The following PRKG1 variants were observed in gnomAD, a reference collection of about 807,000 sequenced individuals.
PRKG1 encodes protein kinase cGMP-dependent 1.
Under a neutral mutation model 88.1 loss-of-function variants are expected in PRKG1, and 35 were observed. The ratio of observed to expected loss-of-function variants is 0.40; its 90% CI spans 0.30 to 0.53. The LOEUF is 0.53. Among genes scored for constraint, PRKG1 ranks in the 20% least tolerant of loss-of-function variants. The pLI is 0.59. For missense variants in PRKG1, 540 were observed against 839.8 expected, an observed-to-expected ratio of 0.64 and a Z score of 4.41; for synonymous variants, 303 against 292.5, an observed-to-expected ratio of 1.04 and a Z score of -0.37.
chr10:51,862,276 C>T (rs1840897138), intron 4 of PRKG1, among the ~76,000 whole-genome samples: 1 of 152,120 alleles, frequency 6.6e-6, no homozygotes, highest in Non-Finnish European at 1.5e-5. Flanking sequence ...GCCCACAGCT[C>T]AGTAAACGGG....
At chr10:52,097,187 A>G (rs140036859) in intron 7 of PRKG1, among the ~76,000 whole-genome samples, 184 of 152,292 alleles carry the variant, frequency 1.2e-3, no homozygotes, top group African/African-American at 4.2e-3. Context: ...CACTCTAGGC[A>G]GAAAATAGGC....
chr10:51,838,201 G>A (rs1840179162), intron 4 of PRKG1, among the ~76,000 whole-genome samples: 1 of 151,942 alleles, frequency 6.6e-6, no homozygotes, highest in East Asian at 1.9e-4. Flanking sequence ...AACATTCAAG[G>A]GTGTATAGCT....
At chr10:52,176,279 T>C (rs1838865917) in intron 9 of PRKG1, among the ~76,000 whole-genome samples, 1 of 151,556 alleles carries the variant, frequency 6.6e-6, no homozygotes, top group Non-Finnish European at 1.5e-5. Flanking sequence ...GACTGTTCTT[T>C]CTCCAGTGAG....
intron 3 of PRKG1, among the ~76,000 whole-genome samples, chr10:51,715,029 CAT>C (rs111993755): frequency 4.0e-5 from 6 of 151,566 alleles, no homozygotes; most frequent in African/African-American, 1.5e-4. Flanking sequence ...GTGGGATGTG[CAT>C]ATATATATAT....
In PRKG1 at chr10:51,807,807, G is replaced by A. The variant is rs190473854; in HGVS notation, c.698+3117G>A. On this transcript the variant is annotated intron_variant, in intron 4 of 17. Transcript: ENST00000373980. ...TTTTAGGCTTTATGGATGGCTTTCG[G>A]GGGGAAAAAGGAGTCTGTCTCTATG... is the stretch of plus-strand genomic sequence containing the variant. Among the ~76,000 whole-genome samples, 1,166 of 152,156 alleles carry A rather than the reference G, an allele frequency of 7.7e-3. 9 individuals carry two copies. The highest frequency in any genetic ancestry group is 0.013 in the Non-Finnish European group (855 of 67,984).
chr10:51,126,137 TTA>T lies in PRKG1; in HGVS notation c.312-27019_312-27018del, dbSNP rs1303422179. 5.8e-3 allele frequency among the ~76,000 whole-genome samples: 690 copies of T among 118,820 alleles called. 7 individuals carry two copies. The highest frequency in any genetic ancestry group is 0.022 in the African/African-American group (645 of 29,178). The allele number at this position is 118,820 out of a possible 152,430, so 78.0% of individuals were successfully genotyped here. On this transcript the variant is annotated intron_variant, in intron 1 of 17. Transcript: ENST00000373980. ...TATATAATTATATTTAATTTTATAA[TTA>T]TATATATTATATAATTTTTTATATG...
At chr10:51,175,137 A>C (rs1272168643) in intron 2 of PRKG1, among the ~76,000 whole-genome samples, 1 of 152,034 alleles carries the variant, frequency 6.6e-6, no homozygotes, top group African/African-American at 2.4e-5. Flanking sequence ...AAAAACACAC[A>C]TACTAACAAC....
intron 2 of PRKG1, among the ~76,000 whole-genome samples, chr10:51,220,896 G>A (rs2132090305): frequency 1.3e-5 from 2 of 152,038 alleles, no homozygotes; most frequent in South Asian, 4.2e-4. Flanking sequence ...AAGACAAATT[G>A]GAAATTGAAA....
chr10:51,705,923 A>G (rs147518836), intron 3 of PRKG1, among the ~76,000 whole-genome samples: 50 of 152,284 alleles, frequency 3.3e-4, no homozygotes, highest in African/African-American at 1.0e-3. Flanking sequence ...TGAACTTTCT[A>G]TTTCATAAGT....
chr10:51,349,388 T>C (rs1163029602), intron 2 of PRKG1, among the ~76,000 whole-genome samples: 1 of 152,100 alleles, frequency 6.6e-6, no homozygotes, highest in Non-Finnish European at 1.5e-5. Context: ...GCCAAAATCC[T>C]AAGAAATTTT....
intron 9 of PRKG1, among the ~76,000 whole-genome samples, chr10:52,188,223 T>C (rs1197322894): frequency 1.8e-5 from 1 of 56,750 alleles, no homozygotes; most frequent in African/African-American, 6.1e-5. Context: ...TGTATATATA[T>C]ACATATGTAT....
chr10:51,798,655 G>A (rs1478247456), intron 3 of PRKG1, among the ~76,000 whole-genome samples: 1 of 152,012 alleles, frequency 6.6e-6, no homozygotes, highest in Non-Finnish European at 1.5e-5. Flanking sequence ...ATTTCAGAAT[G>A]TTTTTAAGAT....
chr10:51,194,093 T>A (rs1837699289), intron 2 of PRKG1, among the ~76,000 whole-genome samples: 1 of 152,184 alleles, frequency 6.6e-6, no homozygotes, highest in Non-Finnish European at 1.5e-5. Context: ...TTAACTATGT[T>A]ATCACTTTTT....
chr10:51,138,911 T>C (rs1204250335), intron 1 of PRKG1, among the ~76,000 whole-genome samples: 1 of 151,922 alleles, frequency 6.6e-6, no homozygotes, highest in Non-Finnish European at 1.5e-5. Context: ...CTTGATCTCC[T>C]GACCCCGTTG....
At chr10:52,111,339 C>T (rs1277971734) in intron 7 of PRKG1, among the ~76,000 whole-genome samples, 6 of 152,214 alleles carry the variant, frequency 3.9e-5, no homozygotes, top group Non-Finnish European at 5.9e-5. Context: ...AGCTATTATA[C>T]TAACACTTCG....
At position 52,080,757 on chromosome 10, in the gene PRKG1, ATGAAT is replaced by A. The variant is rs1201499905; in HGVS notation, c.935+18128_935+18132del. Among the ~76,000 whole-genome samples, 6 of 152,202 alleles carry A rather than the reference ATGAAT, an allele frequency of 3.9e-5. No homozygotes were observed. The South Asian group carries it at 6.2e-4, about 16-fold the overall frequency. On this transcript the variant is annotated intron_variant, in intron 7 of 17. Coordinates refer to ENST00000373980, the MANE Select transcript of PRKG1 (RefSeq NM_006258.4). ...TTATTATTCTGTTAAAGTTTTTAAA[ATGAAT>A]TTAATTTATTTAAAGTCTCTAGCAT...
intron 2 of PRKG1, among the ~76,000 whole-genome samples, chr10:51,433,416 C>G (rs1361320267): frequency 6.6e-6 from 1 of 151,934 alleles, no homozygotes; most frequent in Non-Finnish European, 1.5e-5. Flanking sequence ...TTGGGATTCT[C>G]CTATATAAAA....
chr10:51,540,295 T>C (rs1336596181), intron 3 of PRKG1, among the ~76,000 whole-genome samples: 2 of 152,228 alleles, frequency 1.3e-5, no homozygotes, highest in East Asian at 3.8e-4. Context: ...TATATTCTGT[T>C]ACAACTATTC....
intron 5 of PRKG1, among the ~76,000 whole-genome samples, chr10:52,028,310 C>T (rs79523576): frequency 0.016 from 2,499 of 152,204 alleles, 35 homozygotes; most frequent in Non-Finnish European, 0.023. Flanking sequence ...GATCACTGCA[C>T]GCATTTTGAG....
Sources: allele counts gnomAD v4.1 joint callset (sites outside exome capture counted in the v4.1 genomes callset), GRCh38; gene constraint gnomAD v4.1.1; transcripts MANE v1.5; gene names NCBI Gene and HGNC (gene_info 2026-07-23, HGNC 2026-07-21).